Variants in ZNF804B observed in about 807,000 individuals in gnomAD.
ZNF804B encodes the protein zinc finger 804B.
Under a neutral mutation model 101.4 loss-of-function variants are expected in ZNF804B, and 80 were observed. The observed-to-expected ratio is 0.79, with a 90% CI of 0.66 to 0.95. ZNF804B has a LOEUF of 0.95. Among genes scored for constraint, ZNF804B ranks in the 40% least tolerant of loss-of-function variants. The pLI is 0.00. For synonymous variants in ZNF804B, 622 were observed against 558.8 expected, an observed-to-expected ratio of 1.11 and a Z score of -1.59; for missense variants, 1,673 against 1,561.9, an observed-to-expected ratio of 1.07 and a Z score of -1.20.
intron 2 of ZNF804B, among the ~76,000 whole-genome samples, chr7:89,228,767 C>T (rs1350821427): frequency 1.3e-5 from 2 of 152,226 alleles, no homozygotes; most frequent in Non-Finnish European, 2.9e-5. Flanking sequence ...CATGCGCCCA[C>T]ACTCCTCAGC....
Position 89,334,080 on chromosome 7 carries a change from C to A in ZNF804B, c.1098C>A (p.Ser366=), listed in dbSNP as rs1791032051. 1 of 1,613,530 alleles carries A rather than the reference C, an allele frequency of 6.2e-7. No individual in the cohort carries two copies. The highest frequency in any genetic ancestry group is 1.1e-5 in the South Asian group (1 of 91,068). ...CVNHPCQANA[S]FSPPNIYNHS... ...ATCACCCATGCCAAGCAAATGCTTC[C>A]TTCAGCCCACCAAACATTTACAACC... Residue 366 remains serine, a synonymous_variant, in exon 4 of 4, where the codon TCC becomes TCA. Transcript: ENST00000333190.
At chr7:88,907,553 T>C (rs1792491557) in intron 1 of ZNF804B, among the ~76,000 whole-genome samples, 1 of 151,994 alleles carries the variant, frequency 6.6e-6, no homozygotes, top group Non-Finnish European at 1.5e-5. Flanking sequence ...TAATCCCTTA[T>C]GATAATTTTA....
chr7:88,795,016 C>T, intron 1 of ZNF804B: 1 of 1,266,828 alleles, frequency 7.9e-7, no homozygotes, highest in Non-Finnish European at 1.1e-6. Context: ...CAGGGTACCT[C>T]TTTACTGATG....
At position 88,821,625 on chromosome 7, in the gene ZNF804B, C is replaced by A. The variant is rs181741072; in HGVS notation, c.108+61541C>A. 3.3e-5 allele frequency among the ~76,000 whole-genome samples: 5 copies of A among 152,264 alleles called. No individual in the cohort carries two copies. The East Asian group carries it at 9.7e-4, about 29-fold the overall frequency. ...ACCTTATAACCATCTCTCACAGGTA[C>A]TTCTGAAGGAGAAATACCAAAGTCA... is the stretch of plus-strand genomic sequence containing the variant. On this transcript the variant is annotated intron_variant, in intron 1 of 3. Transcript: ENST00000333190.
chr7:88,762,802 T>C, intron 1 of ZNF804B, among the ~76,000 whole-genome samples: 1 of 152,060 alleles, frequency 6.6e-6, no homozygotes. Context: ...TTATTTAGTA[T>C]AGAGATATTC....
intron 1 of ZNF804B, among the ~76,000 whole-genome samples, chr7:89,081,592 G>A (rs1335531108): frequency 6.6e-6 from 1 of 151,700 alleles, no homozygotes; most frequent in African/African-American, 2.4e-5. Context: ...AGAAAAACAG[G>A]TCATCAACAT....
chr7:89,287,657 A>T (rs1383685057), intron 2 of ZNF804B, among the ~76,000 whole-genome samples: 1 of 152,186 alleles, frequency 6.6e-6, no homozygotes, highest in Admixed American at 6.5e-5. Context: ...TCACAAATGT[A>T]GTGAGATTCC....
At chr7:88,887,819 C>T (rs981464807) in intron 1 of ZNF804B, among the ~76,000 whole-genome samples, 4 of 151,296 alleles carry the variant, frequency 2.6e-5, no homozygotes, top group South Asian at 2.1e-4. Flanking sequence ...CTCATTACTA[C>T]GATCCTACCC....
Position 89,336,590 on chromosome 7 carries a change from A to G in ZNF804B, c.3608A>G (p.His1203Arg), listed in dbSNP as rs141851307. Residue 1203 changes from histidine to arginine, a missense_variant, in exon 4 of 4, where the codon CAC (histidine) becomes CGC (arginine). His to Arg is a conservative substitution (Grantham distance 29). Coordinates refer to ENST00000333190, the MANE Select transcript of ZNF804B (RefSeq NM_181646.5). The stretch of plus-strand genomic sequence containing the variant: ...GTACAGACAGTTCCAGTTCACCAGC[A>G]CACTTCTATCACCACCATCCACCAC... Reference protein sequence around the residue: ...STVQTVPVHQHTSITTIHHTF... With the variant: ...STVQTVPVHQRTSITTIHHTF... 6.2e-7 allele frequency: 1 copy of G among 1,614,102 alleles called. No homozygotes were observed. Among genetic ancestry groups the G allele is most frequent in the African/African-American group, 1.3e-5 (1 of 75,038 alleles).
Position 89,288,677 on chromosome 7 carries a change from A to G in ZNF804B, c.250-38667A>G, listed in dbSNP as rs570429692. ...CTTCAAAAATATTGTAAAAATAATT[A>G]CATTTCAAGAAAACAAAAAAATAAG... On this transcript the variant is annotated intron_variant, in intron 2 of 3. Transcript: ENST00000333190. Among the ~76,000 whole-genome samples the G allele has an allele frequency of 9.0e-4, 137 of 152,346 alleles. 4 individuals are homozygous for G. The South Asian group carries it at 0.027, about 30-fold the overall frequency.
intron 1 of ZNF804B, among the ~76,000 whole-genome samples, chr7:88,928,040 G>A (rs571637113): frequency 6.6e-6 from 1 of 151,950 alleles, no homozygotes; most frequent in Non-Finnish European, 1.5e-5. Flanking sequence ...TAAGTTTCTT[G>A]GTCTACTCTG....
chr7:88,777,485 T>C (rs1029804128), intron 1 of ZNF804B, among the ~76,000 whole-genome samples: 6 of 151,676 alleles, frequency 4.0e-5, no homozygotes, highest in African/African-American at 1.5e-4. Context: ...GTTGAAAGAG[T>C]GAGAATAGAG....
chr7:89,199,743 A>C (rs950111679), intron 1 of ZNF804B, among the ~76,000 whole-genome samples: 2 of 151,662 alleles, frequency 1.3e-5, no homozygotes, highest in Non-Finnish European at 2.9e-5. Flanking sequence ...TATTATTCCT[A>C]CTGGCATCTT....
chr7:88,947,325 C>T (rs1338973281), intron 1 of ZNF804B, among the ~76,000 whole-genome samples: 1 of 151,928 alleles, frequency 6.6e-6, no homozygotes, highest in Non-Finnish European at 1.5e-5. Context: ...ACATGGAATA[C>T]CCAGCAGCCA....
intron 1 of ZNF804B, among the ~76,000 whole-genome samples, chr7:88,869,907 C>A (rs1271194940): frequency 6.6e-6 from 1 of 152,184 alleles, no homozygotes. Context: ...ATGTATCAGC[C>A]AGAGGTCAGC....
chr7:89,299,358 A>G (rs1474376963), intron 2 of ZNF804B, among the ~76,000 whole-genome samples: 2 of 152,052 alleles, frequency 1.3e-5, no homozygotes, highest in African/African-American at 4.8e-5. Context: ...TAAAAAATCT[A>G]TGTTGCTAGA....
chr7:88,815,150 G>T (rs982145189), intron 1 of ZNF804B, among the ~76,000 whole-genome samples: 11 of 146,936 alleles, frequency 7.5e-5, no homozygotes, highest in Non-Finnish European at 9.0e-5. Context: ...TACAATAAAA[G>T]AATATTCTAA....
At chr7:89,054,856 C>T (rs1196103141) in intron 1 of ZNF804B, among the ~76,000 whole-genome samples, 2 of 151,898 alleles carry the variant, frequency 1.3e-5, no homozygotes, top group East Asian at 1.9e-4. Flanking sequence ...TCATTTTTTT[C>T]CTTTCTTTAA....
intron 1 of ZNF804B, among the ~76,000 whole-genome samples, chr7:89,073,797 T>C (rs1789577339): frequency 6.6e-6 from 1 of 152,206 alleles, no homozygotes; most frequent in Non-Finnish European, 1.5e-5. Context: ...GGTCATTTAA[T>C]TGTAATTAAA....
Sources: allele counts gnomAD v4.1 joint callset (sites outside exome capture counted in the v4.1 genomes callset), GRCh38; gene constraint gnomAD v4.1.1; transcripts MANE v1.5; gene names NCBI Gene and HGNC (gene_info 2026-07-23, HGNC 2026-07-21).